Variants in SYNE2 observed in about 807,000 individuals in gnomAD.
SYNE2 encodes nesprin-2.
In SYNE2, 431 loss-of-function variants were observed where a neutral mutation model predicts 856.3. That is an observed-to-expected ratio of 0.50 (90% confidence interval 0.47 to 0.55). The LOEUF (loss-of-function observed/expected upper bound fraction) is 0.55. Ranked by LOEUF, SYNE2 falls within the 20% of genes least tolerant of loss-of-function variation. SYNE2 has a pLI of 0.00. For missense variants in SYNE2, 8,129 were observed against 8,023.2 expected (o/e 1.01, Z -0.50); for synonymous variants, 2,923 against 2,872.3 (o/e 1.02, Z -0.56).
chr14:63,954,791 T>C lies in SYNE2; in HGVS notation c.663T>C (p.His221=). The change falls in exon 8 of 116, where the codon CAT becomes CAC. Residue 221 remains histidine (H), a synonymous_variant. Coordinates refer to ENST00000555002, the MANE Select transcript of SYNE2 (RefSeq NM_182914.3). ...GGATGGCTTTTTTGGCCATCATTCA[T>C]GCCTTGCGACCAGACCTAATTGACA... ...RNGMAFLAII[H]ALRPDLIDMK... is the part of the protein sequence containing the mutation. The C allele has an allele frequency of 6.2e-7, 1 of 1,614,128 alleles. No homozygotes were observed. Among genetic ancestry groups the C allele is most frequent in the Non-Finnish European group, 8.5e-7 (1 of 1,180,002 alleles).
At position 64,025,334 on chromosome 14, in the gene SYNE2, T is replaced by C. The variant is rs371560067; in HGVS notation, c.6165T>C (p.His2055=). 1.9e-6 allele frequency: 3 copies of C among 1,613,938 alleles called. No individual in the cohort carries two copies. The highest frequency in any genetic ancestry group is 2.2e-5 in the East Asian group (1 of 44,878). The change falls in exon 41 of 116, where the codon CAT becomes CAC. Residue 2055 remains histidine, a synonymous_variant. Coordinates refer to ENST00000555002, the MANE Select transcript of SYNE2 (RefSeq NM_182914.3). ...SFNDLAHDVI[H]WIKEIKESLM... is the part of the protein sequence containing the mutation. ...ATGATCTTGCACATGATGTAATTCATTGGATAAAAGAGATTAAAGAGTCCC... is the reference window on the plus strand; with the variant it reads ...ATGATCTTGCACATGATGTAATTCACTGGATAAAAGAGATTAAAGAGTCCC...
chr14:64,006,439 G>A lies in SYNE2; in HGVS notation c.4398-604G>A, dbSNP rs547697632. Among the ~76,000 whole-genome samples, 21 of 152,112 alleles carry A rather than the reference G, an allele frequency of 1.4e-4. No homozygotes were observed. In the South Asian group the frequency reaches 3.7e-3, roughly 27 times the overall value. ...TTTGTCTCTCTCTCTTTTCTCTCGT[G>A]TGTATACACCTTTTACAAGTGTGTT... On this transcript the variant is annotated intron_variant, in intron 30 of 115. Coordinates refer to ENST00000555002, the MANE Select transcript of SYNE2 (RefSeq NM_182914.3).
intron 99 of SYNE2, among the ~76,000 whole-genome samples, chr14:64,201,893 G>T (rs562948063): frequency 5.3e-5 from 8 of 152,280 alleles, no homozygotes; most frequent in Admixed American, 5.2e-4. Context: ...CCCACAGAAC[G>T]CCAGGACAGA....
intron 94 of SYNE2, among the ~76,000 whole-genome samples, chr14:64,173,144 C>T (rs1010787009): frequency 2.0e-5 from 3 of 152,094 alleles, no homozygotes; most frequent in Non-Finnish European, 2.9e-5. Flanking sequence ...AGACGCAGTG[C>T]GTTAGGGTAG....
chr14:63,893,333 C>G (rs1219160102), intron 1 of SYNE2, among the ~76,000 whole-genome samples: 1 of 152,156 alleles, frequency 6.6e-6, no homozygotes, highest in African/African-American at 2.4e-5. Flanking sequence ...CCAAAGCAGT[C>G]GGATCACTTG....
At chr14:64,023,225 G>A (rs2096950760) in intron 38 of SYNE2, 1 of 211,740 alleles carries the variant, frequency 4.7e-6, no homozygotes, top group Admixed American at 5.4e-5. Flanking sequence ...TCCATCCTGG[G>A]CGACAGAGTG....
intron 6 of SYNE2, among the ~76,000 whole-genome samples, chr14:63,945,051 C>T (rs1486485733): frequency 6.7e-6 from 1 of 149,790 alleles, no homozygotes; most frequent in Admixed American, 6.7e-5. Flanking sequence ...CAAATCCACG[C>T]ACCTCGGCCT....
At chr14:63,888,592 T>C (rs2095052735) in intron 1 of SYNE2, among the ~76,000 whole-genome samples, 1 of 152,174 alleles carries the variant, frequency 6.6e-6, no homozygotes, top group South Asian at 2.1e-4. Context: ...TAAGGTGAGG[T>C]ACCCTATATC....
chr14:64,113,340 G>C lies in SYNE2; in HGVS notation c.12610-1G>C, dbSNP rs768174507. The stretch of plus-strand genomic sequence containing the variant: ...CTGGCTTATCTTTGGATTTCTCTTA[G>C]GGCACCACACCTCCTATTGAGGCTG... On this transcript the variant is annotated splice_acceptor_variant, in intron 65 of 115. Coordinates refer to ENST00000555002, the MANE Select transcript of SYNE2 (RefSeq NM_182914.3). LOFTEE classifies it high-confidence loss of function. The C allele has an allele frequency of 6.2e-7, 1 of 1,613,568 alleles. No homozygotes were observed. Among genetic ancestry groups the C allele is most frequent in the Non-Finnish European group, 8.5e-7 (1 of 1,180,024 alleles).
At chr14:64,119,374 C>T (rs944142299) in intron 66 of SYNE2, 53 bp from the exon 67 acceptor site, 3 of 1,606,358 alleles carry the variant, frequency 1.9e-6, no homozygotes, top group Non-Finnish European at 2.6e-6. Context: ...TTTGCAGGCA[C>T]AATACTTCTT....
chr14:63,927,101 T>A (rs944447480), intron 2 of SYNE2, among the ~76,000 whole-genome samples: 1 of 152,162 alleles, frequency 6.6e-6, no homozygotes, highest in Non-Finnish European at 1.5e-5. Context: ...ACACAGCGCC[T>A]CCTAGGCTCT....
Position 64,056,279 on chromosome 14 carries a change from C to T in SYNE2, c.10067+13C>T, listed in dbSNP as rs1024640740. 1.9e-6 allele frequency: 3 copies of T among 1,605,588 alleles called. No homozygotes were observed. The highest frequency in any genetic ancestry group is 2.6e-6 in the Non-Finnish European group (3 of 1,172,880). ...CTGAGGCAGAAAGGTAGGTCCTCTT[C>T]CAAAGGTAATCTTTAAGAACATAAA... is the stretch of plus-strand genomic sequence containing the variant. On this transcript the variant is annotated intron_variant, in intron 49 of 115. Transcript: ENST00000555002.
rs112683754 is a variant in SYNE2 at position 64,064,143 on chromosome 14, A to G, written c.10212+1248A>G. Among the ~76,000 whole-genome samples, 46 of 152,300 alleles carry G rather than the reference A, an allele frequency of 3.0e-4. 2 individuals carry two copies. Among genetic ancestry groups the G allele is most frequent in the African/African-American group, 1.0e-3 (42 of 41,570 alleles). On this transcript the variant is annotated intron_variant, in intron 50 of 115. Coordinates refer to ENST00000555002, the MANE Select transcript of SYNE2 (RefSeq NM_182914.3). ...GTGAGGTGATGAAATGAAGTGAGGT[A>G]ATGAAATGAAGTGATGAAATGAAAT...
chr14:63,884,341 G>A (rs12882429), intron 1 of SYNE2, among the ~76,000 whole-genome samples: 9,958 of 152,204 alleles, frequency 0.065, 334 homozygotes, highest in Admixed American at 0.1. Context: ...GGAGTTACTC[G>A]TTGAGAGTGC....
intron 1 of SYNE2, among the ~76,000 whole-genome samples, chr14:63,841,919 A>G (rs1361656517): frequency 7.6e-6 from 1 of 131,650 alleles, no homozygotes; most frequent in African/African-American, 2.9e-5. Context: ...TGCAAGCTCC[A>G]CCTCCTAAGT....
rs556687029 is a variant in SYNE2 at position 64,181,160 on chromosome 14, G to A, written c.17556+3677G>A. Among the ~76,000 whole-genome samples the A allele has an allele frequency of 2.6e-5, 4 of 151,898 alleles. No homozygotes were observed. The South Asian group carries it at 6.2e-4, about 24-fold the overall frequency. ...ACCTTCAGAACATTGTTAAGCAGAA[G>A]TATTAATAGCTGAGTCTTCCATTGT... On this transcript the variant is annotated intron_variant, in intron 96 of 115. Coordinates refer to ENST00000555002, the MANE Select transcript of SYNE2 (RefSeq NM_182914.3).
rs1468512617 is a variant in SYNE2 at position 63,941,689 on chromosome 14, C to G, written c.142-6C>G. ...GAATGATTATTTTTCTTGTGACCTT[C>G]TGCAGCACACTTCTCCCTCAGTTAT... is the stretch of plus-strand genomic sequence containing the variant. On this transcript the variant is annotated splice_region_variant and splice_polypyrimidine_tract_variant and intron_variant, in intron 3 of 115. Coordinates refer to ENST00000555002, the MANE Select transcript of SYNE2 (RefSeq NM_182914.3). 6.2e-7 allele frequency: 1 copy of G among 1,612,420 alleles called. No individual in the cohort carries two copies. Among genetic ancestry groups the G allele is most frequent in the African/African-American group, 1.3e-5 (1 of 74,892 alleles).
intron 47 of SYNE2, among the ~76,000 whole-genome samples, chr14:64,051,277 T>C (rs2097223731): frequency 1.3e-5 from 2 of 152,062 alleles, no homozygotes; most frequent in African/African-American, 4.8e-5. Context: ...ATTTTTTTCC[T>C]GTGGTTATTC....
At chr14:64,114,464 C>A (rs1012398133) in intron 66 of SYNE2, among the ~76,000 whole-genome samples, 7 of 152,258 alleles carry the variant, frequency 4.6e-5, no homozygotes, top group Admixed American at 6.5e-5. Context: ...GCGTTTCCTG[C>A]TGTAGCCTGT....
Sources: allele counts gnomAD v4.1 joint callset (sites outside exome capture counted in the v4.1 genomes callset), GRCh38; gene constraint gnomAD v4.1.1; transcripts MANE v1.5; gene names NCBI Gene and HGNC (gene_info 2026-07-23, HGNC 2026-07-21).